ANKFN1: variants seen among roughly 807,000 people sequenced by gnomAD.
The protein encoded by ANKFN1 is ankyrin repeat and fibronectin type III domain containing 1, also known as ankyrin repeat and fibronectin type-III domain-containing protein 1.
In ANKFN1, 74 loss-of-function variants were observed where a neutral mutation model predicts 108.7. The ratio of observed to expected loss-of-function variants is 0.68; its 90% CI spans 0.56 to 0.83. ANKFN1 has a LOEUF of 0.83. ANKFN1 is among the 40% of genes least tolerant of loss of function. The pLI is 0.00. For synonymous variants in ANKFN1, 547 were observed against 516.2 expected, an observed-to-expected ratio of 1.06 and a Z score of -0.81; for missense variants, 1,505 against 1,382.3, an observed-to-expected ratio of 1.09 and a Z score of -1.41.
At chr17:56,251,598 C>G (rs889556011) in intron 3 of ANKFN1, among the ~76,000 whole-genome samples, 2 of 152,048 alleles carry the variant, frequency 1.3e-5, no homozygotes, top group Admixed American at 6.6e-5. Flanking sequence ...AAGGTTTGTC[C>G]CCATTGTCCA....
In ANKFN1 at chr17:56,448,983, G is replaced by GGGTA; in HGVS notation, c.1100-94_1100-91dup. 18 of 952,562 alleles carry GGGTA rather than the reference G, an allele frequency of 1.9e-5. 1 individual carries two copies. The South Asian group carries it at 2.6e-4, about 14-fold the overall frequency. The allele number at this position is 952,562 out of a possible 1,614,324, so 59.0% of individuals were successfully genotyped here. ...CGGGGTGCTCATCCGCAGAGACTGT[G>GGGTA]GGTAGTATGAGCAAAACTCCGGCTC... On this transcript the variant is annotated intron_variant, in intron 10 of 20. Coordinates refer to ENST00000682825, the MANE Select transcript of ANKFN1 (RefSeq NM_001370326.1).
chr17:56,468,157 C>CTTCT (rs1438298931), intron 15 of ANKFN1, among the ~76,000 whole-genome samples: 2 of 152,146 alleles, frequency 1.3e-5, no homozygotes, highest in Non-Finnish European at 2.9e-5. Flanking sequence ...GCAAATCAGG[C>CTTCT]TTCTTTCTGC....
chr17:56,282,035 A>C (rs565733876), intron 3 of ANKFN1, among the ~76,000 whole-genome samples: 3 of 152,330 alleles, frequency 2.0e-5, no homozygotes, highest in East Asian at 3.9e-4. Context: ...CCTGTACCTG[A>C]ATATTTATTG....
chr17:56,452,457 C>T (rs1452022100), intron 11 of ANKFN1, among the ~76,000 whole-genome samples: 2 of 152,200 alleles, frequency 1.3e-5, no homozygotes, highest in East Asian at 3.8e-4. Flanking sequence ...TTATCTCTCC[C>T]TCATGCTATG....
intron 4 of ANKFN1, among the ~76,000 whole-genome samples, chr17:56,094,506 A>T (rs1598093518): frequency 2.3e-5 from 2 of 85,680 alleles, no homozygotes; most frequent in South Asian, 6.6e-4. Context: ...TTTGAGGCGA[A>T]GTCTTGTTTT....
At chr17:56,295,462 A>T (rs1483552722) in intron 3 of ANKFN1, among the ~76,000 whole-genome samples, 2 of 152,026 alleles carry the variant, frequency 1.3e-5, no homozygotes, top group Non-Finnish European at 2.9e-5. Flanking sequence ...CTCACCCAAG[A>T]CTCTTGAAGC....
At chr17:56,227,826 T>TC (rs2143910841) in intron 2 of ANKFN1, 91 bp from the exon 3 acceptor site, 2 of 991,208 alleles carry the variant, frequency 2.0e-6, no homozygotes, top group East Asian at 2.6e-5. Flanking sequence ...CTTTTTTTTT[T>TC]CAATCAGTGG....
chr17:56,455,599 T>C (rs544013661), intron 11 of ANKFN1, among the ~76,000 whole-genome samples: 7 of 152,350 alleles, frequency 4.6e-5, no homozygotes, highest in Admixed American at 1.3e-4. Context: ...CTGGTGGTGA[T>C]ACCAACAACC....
intron 4 of ANKFN1, among the ~76,000 whole-genome samples, chr17:56,340,179 A>T (rs1326115064): frequency 6.6e-6 from 1 of 152,116 alleles, no homozygotes; most frequent in Admixed American, 6.6e-5. Flanking sequence ...AATTTGTTTA[A>T]GTTCCTTGTA....
chr17:56,147,253 T>G (rs1429189207), intron 4 of ANKFN1, among the ~76,000 whole-genome samples: 1 of 152,188 alleles, frequency 6.6e-6, no homozygotes, highest in African/African-American at 2.4e-5. Context: ...CCTTCCAAAC[T>G]GTTCCAGCCT....
intron 4 of ANKFN1, among the ~76,000 whole-genome samples, chr17:56,121,265 T>G (rs765428359): frequency 6.6e-6 from 1 of 152,108 alleles, no homozygotes; most frequent in African/African-American, 2.4e-5. Context: ...TTTGCTCATA[T>G]AGTTTCACTC....
intron 4 of ANKFN1, among the ~76,000 whole-genome samples, chr17:56,119,995 G>A (rs1906513538): frequency 6.6e-6 from 1 of 152,088 alleles, no homozygotes; most frequent in Admixed American, 6.5e-5. Flanking sequence ...TCAGGTTTTC[G>A]TTGCTGGCAG....
intron 6 of ANKFN1, among the ~76,000 whole-genome samples, chr17:56,364,522 AC>A (rs1283285291): frequency 6.6e-6 from 1 of 152,222 alleles, no homozygotes; most frequent in African/African-American, 2.4e-5. Context: ...TTGGCAGAAA[AC>A]ATGGTTATCT....
At chr17:56,417,422 A>ACTGATGC (rs1279762547) in intron 8 of ANKFN1, among the ~76,000 whole-genome samples, 1 of 152,184 alleles carries the variant, frequency 6.6e-6, no homozygotes, top group Non-Finnish European at 1.5e-5. Context: ...TTGGAAATTC[A>ACTGATGC]CTGATGCCTT....
chr17:56,253,466 A>C (rs1374760520), intron 3 of ANKFN1, among the ~76,000 whole-genome samples: 1 of 152,188 alleles, frequency 6.6e-6, no homozygotes, highest in Non-Finnish European at 1.5e-5. Context: ...GGCCGGGCGC[A>C]ATGGTTCACA....
chr17:56,072,279 C>T (rs1905129345), intron 4 of ANKFN1, among the ~76,000 whole-genome samples: 1 of 151,848 alleles, frequency 6.6e-6, no homozygotes, highest in African/African-American at 2.4e-5. Flanking sequence ...TTTTACTTAA[C>T]TGTCTTTCAT....
At chr17:56,164,812 A>G (rs1910000695) in intron 1 of ANKFN1, among the ~76,000 whole-genome samples, 1 of 152,228 alleles carries the variant, frequency 6.6e-6, no homozygotes, top group Admixed American at 6.5e-5. Context: ...AAAATACTTG[A>G]TGGTGATAAC....
In ANKFN1 at chr17:56,074,127, G is replaced by C. The variant is rs1156965769; in HGVS notation, c.288+27802G>C. ...CCTGGGAAATCACTTGCTCAATTTG[G>C]ATCATTCTCTTCTTCAGTTTTTCCC... On this transcript the variant is annotated intron_variant, in intron 4 of 12. Transcript: ENST00000635860. Among the ~76,000 whole-genome samples the C allele has an allele frequency of 5.3e-5, 8 of 152,130 alleles. No individual in the cohort carries two copies. The East Asian group carries it at 1.5e-3, about 29-fold the overall frequency.
chr17:56,237,289 A>T (rs1917225702), intron 3 of ANKFN1, among the ~76,000 whole-genome samples: 1 of 152,160 alleles, frequency 6.6e-6, no homozygotes, highest in African/African-American at 2.4e-5. Context: ...GAGGTGGGGA[A>T]GAATTAGTTC....
Sources: gnomAD v4.1 joint callset for allele counts (sites outside exome capture counted in the v4.1 genomes callset) on GRCh38, gnomAD v4.1.1 for gene constraint, MANE v1.5 for transcripts, NCBI Gene and HGNC (gene_info 2026-07-23, HGNC 2026-07-21) for gene names.